PIGG: variants seen among roughly 807,000 people sequenced by gnomAD.
The protein encoded by PIGG is GPI ethanolamine phosphate transferase 2, catalytic subunit.
A neutral mutation model predicts 83.2 loss-of-function variants in PIGG; 70 were observed. The observed-to-expected ratio is 0.84, with a 90% CI of 0.69 to 1.03. The LOEUF (loss-of-function observed/expected upper bound fraction) is 1.03, where lower values mean the gene tolerates loss of function less well. Ranked by LOEUF, PIGG falls within the 50% of genes least tolerant of loss-of-function variation. PIGG has a pLI of 0.00. For synonymous variants in PIGG, 532 were observed against 519.5 expected (o/e 1.02, Z -0.33); for missense variants, 1,257 against 1,233.6 (o/e 1.02, Z -0.28).
At chr4:534,560 C>T (rs966398991) in intron 12 of PIGG, among the ~76,000 whole-genome samples, 4 of 152,332 alleles carry the variant, frequency 2.6e-5, no homozygotes, top group South Asian at 4.1e-4. Flanking sequence ...ACGTGAGCCC[C>T]GTCCCCTGTC....
In PIGG at chr4:509,409, C is replaced by T. The variant is rs975691044; in HGVS notation, c.901+439C>T. Among the ~76,000 whole-genome samples the T allele has an allele frequency of 1.2e-4, 18 of 152,330 alleles. 1 individual carries two copies. Among genetic ancestry groups the T allele is most frequent in the Admixed American group, 3.9e-4 (6 of 15,298 alleles). On this transcript the variant is annotated intron_variant, in intron 5 of 12. Coordinates refer to ENST00000453061, the MANE Select transcript of PIGG (RefSeq NM_001127178.3). The stretch of plus-strand genomic sequence containing the variant: ...GGCCCCGTCTGTCAGTATTCAGACA[C>T]GCCCCAAACACACACACACCCCACT...
Position 528,300 on chromosome 4 carries a change from A to G in PIGG, c.2261+1070A>G, listed in dbSNP as rs1728213850. On this transcript the variant is annotated intron_variant, in intron 10 of 12. Transcript: ENST00000453061. This position sits in a 1 kb window ranked among gnomAD's most constrained non-coding sequence, Gnocchi z 4.8. The stretch of plus-strand genomic sequence containing the variant: ...GTGATTATATTTAGGACCTGAAATC[A>G]TAAGATTGTGGTCTTGCTTTTTACT... 1 of 984,024 alleles carries G rather than the reference A, an allele frequency of 1.0e-6. No homozygotes were observed. Among genetic ancestry groups the G allele is most frequent in the African/African-American group, 1.7e-5 (1 of 57,174 alleles). 61.0% of individuals were successfully genotyped at this position (984,024 alleles called of 1,614,324 possible). A position where few individuals can be genotyped will look rare whatever the true frequency, so the allele number is the denominator to read the frequency against.
chr4:516,924 G>A (rs1560316035), intron 6 of PIGG, among the ~76,000 whole-genome samples: 1 of 151,884 alleles, frequency 6.6e-6, no homozygotes, highest in South Asian at 2.1e-4. Flanking sequence ...GGGTGGGGGA[G>A]CCACTGGGGC....
chr4:507,179 G>A lies in PIGG; in HGVS notation c.571-226G>A, dbSNP rs187726829. Among the ~76,000 whole-genome samples the A allele has an allele frequency of 2.0e-5, 3 of 152,340 alleles. No homozygotes were observed. In the East Asian group the frequency reaches 5.8e-4, roughly 29 times the overall value. On this transcript the variant is annotated intron_variant, in intron 3 of 12. Transcript: ENST00000453061. ...GGTCCTGAACTCTTGGCCTCAAGCA[G>A]TCTTCCCGCTTCAGCCTCCTCAAGT...
At chr4:514,030 CAAT>C (rs1393728987) in intron 5 of PIGG, among the ~76,000 whole-genome samples, 2 of 152,272 alleles carry the variant, frequency 1.3e-5, no homozygotes, top group Admixed American at 6.5e-5. Context: ...TTCTTTACAA[CAAT>C]ATCAATCCAG....
rs761799638 is a variant in PIGG at position 527,238 on chromosome 4, C to T, written c.2261+8C>T. The T allele has an allele frequency of 7.6e-6, 12 of 1,573,484 alleles. No individual in the cohort carries two copies. The highest frequency in any genetic ancestry group is 4.7e-5 in the South Asian group (4 of 84,666). On this transcript the variant is annotated splice_region_variant and intron_variant, in intron 10 of 12. Transcript: ENST00000453061. ...CAGCAAGGACATTTCCAAGTAAGTGCGTGGCGGACACGGGGTGCATAGAGC... is the reference window on the plus strand; with the variant it reads ...CAGCAAGGACATTTCCAAGTAAGTGTGTGGCGGACACGGGGTGCATAGAGC...
intron 5 of PIGG, among the ~76,000 whole-genome samples, chr4:509,506 C>T (rs890190010): frequency 1.3e-5 from 2 of 152,318 alleles, no homozygotes; most frequent in East Asian, 1.9e-4. Context: ...GCTGTCCTGT[C>T]GGCGGCTGCC....
intron 10 of PIGG, 114 bp from the exon 11 acceptor site, chr4:530,322 C>CAG: frequency 1.4e-6 from 1 of 733,498 alleles, no homozygotes; most frequent in Non-Finnish European, 2.3e-6. Flanking sequence ...CTTTAGTCAG[C>CAG]AGTGCTGGAC....
chr4:510,374 C>G (rs1553882741), intron 5 of PIGG, among the ~76,000 whole-genome samples: 1 of 152,214 alleles, frequency 6.6e-6, no homozygotes, highest in East Asian at 1.9e-4. Context: ...TTAAGAATGC[C>G]TTTAAGCGGT....
In PIGG at chr4:530,535, C is replaced by A. The variant is rs1486646970; in HGVS notation, c.2361C>A (p.Phe787Leu). Residue 787 changes from phenylalanine to leucine, a missense_variant, in exon 11 of 13, where the codon TTC becomes TTA. Transcript: ENST00000453061. Reference protein sequence around the residue: ...LLKSQVIAADFKLKTVGLWEI... With the variant: ...LLKSQVIAADLKLKTVGLWEI... ...AATCTCAAGTCATTGCTGCAGACTT[C>A]AAACTCAAGACTGTAGGTTTATGGG... The A allele has an allele frequency of 6.2e-7, 1 of 1,613,248 alleles. No homozygotes were observed. Among genetic ancestry groups the A allele is most frequent in the African/African-American group, 1.3e-5 (1 of 75,026 alleles).
chr4:506,734 C>T (rs550813503), intron 3 of PIGG: 12 of 455,816 alleles, frequency 2.6e-5, no homozygotes, highest in Non-Finnish European at 4.8e-5. Context: ...AACTGCTCAT[C>T]TCTCCTCCGT....
rs1553874344 is a variant in PIGG, at chr4:499,540, A to T, written c.154+51A>T. 5.3e-6 allele frequency: 8 copies of T among 1,517,008 alleles called. No individual in the cohort carries two copies. The East Asian group carries it at 2.0e-4, about 37-fold the overall frequency. 94.0% of individuals were successfully genotyped at this position (1,517,008 alleles called of 1,614,324 possible). On this transcript the variant is annotated intron_variant, in intron 1 of 12. Coordinates refer to ENST00000453061, the MANE Select transcript of PIGG (RefSeq NM_001127178.3). ...GCTCCCCTGACCCCACATCCCCTAG[A>T]AGACCTTTTTTCTGAGCCTCGCTGC...
At chr4:522,185 C>T (rs1179342758) in intron 8 of PIGG, 1 of 603,158 alleles carries the variant, frequency 1.7e-6, no homozygotes, top group Non-Finnish European at 3.0e-6. Flanking sequence ...TCTTGGAAAG[C>T]TAGGTTCCTG....
chr4:511,512 T>C (rs1409338820), intron 5 of PIGG, among the ~76,000 whole-genome samples: 10 of 152,222 alleles, frequency 6.6e-5, no homozygotes, highest in East Asian at 1.9e-4. Context: ...TTACCCAGTA[T>C]AGCTGTGCCC....
chr4:519,706 G>T (rs1206268636), intron 6 of PIGG, among the ~76,000 whole-genome samples: 3 of 151,528 alleles, frequency 2.0e-5, no homozygotes, highest in Admixed American at 2.0e-4. Flanking sequence ...GGGCCTGCAG[G>T]CGTGTGGGTT....
At chr4:523,360 T>A (rs1430028952) in intron 8 of PIGG, 99 bp from the exon 9 acceptor site, 2 of 850,986 alleles carry the variant, frequency 2.4e-6, no homozygotes, top group Admixed American at 4.2e-5. Context: ...CAATGGTGTG[T>A]GTCCAGGGCA....
At chr4:527,421 C>T (rs1727956613) in intron 10 of PIGG, 191 bp downstream of exon 10, 1 of 1,335,272 alleles carries the variant, frequency 7.5e-7, no homozygotes, top group Admixed American at 3.6e-5. Flanking sequence ...AAGAAAACCT[C>T]AACCAGCTGC....
At chr4:499,778 G>A (rs2108741219) in intron 1 of PIGG, 1 of 1,255,364 alleles carries the variant, frequency 8.0e-7, no homozygotes, top group Non-Finnish European at 1.0e-6. Context: ...CTCGTCCAGA[G>A]CTCCCGCCCC....
Position 523,862 on chromosome 4 carries a change from A to C in PIGG, c.2018A>C (p.Gln673Pro). 6.3e-7 allele frequency: 1 copy of C among 1,583,366 alleles called. No individual in the cohort carries two copies. Among genetic ancestry groups the C allele is most frequent in the Non-Finnish European group, 8.6e-7 (1 of 1,164,712 alleles). ...TGCCGGCTGCTGCGCTCCCTAAACC[A>C]GACAGGTGTGCAGTGGGCTCACCGG... Reference protein sequence around the residue: ...ACCRLLRSLNQTGVQWAHRPD... With the variant: ...ACCRLLRSLNPTGVQWAHRPD... Residue 673 changes from glutamine (Q) to proline (P), a missense_variant, in exon 9 of 13, where the codon CAG (glutamine) becomes CCG (proline). By Grantham distance (76) the Gln-to-Pro change is moderately conservative (BLOSUM62 -1). Coordinates refer to ENST00000453061, the MANE Select transcript of PIGG (RefSeq NM_001127178.3).
Sources: allele counts gnomAD v4.1 joint callset (sites outside exome capture counted in the v4.1 genomes callset), GRCh38; gene constraint gnomAD v4.1.1; non-coding constraint Gnocchi (gnomAD v3.1); transcripts MANE v1.5; gene names NCBI Gene and HGNC (gene_info 2026-07-23, HGNC 2026-07-21).